Variants in CCNY observed in about 807,000 individuals in gnomAD.
CCNY encodes cyclin-Y.
CCNY carries 19 observed loss-of-function variants against 42.8 expected under a neutral mutation model. That is an observed-to-expected ratio of 0.44 (90% CI 0.31 to 0.65). CCNY has a LOEUF of 0.65. CCNY is among the 30% of genes least tolerant of loss of function. CCNY has a pLI of 0.07. For synonymous variants in CCNY, 165 were observed against 162.7 expected (o/e 1.01, Z -0.11); for missense variants, 370 against 437.3 (o/e 0.85, Z 1.37).
At chr10:35,552,505 T>A (rs1475810764) in intron 7 of CCNY, among the ~76,000 whole-genome samples, 1 of 152,172 alleles carries the variant, frequency 6.6e-6, no homozygotes, top group Non-Finnish European at 1.5e-5. Context: ...AACACAACAG[T>A]GTGAATGTAC....
intron 3 of CCNY, among the ~76,000 whole-genome samples, chr10:35,292,081 A>C (rs1255417960): frequency 1.3e-5 from 2 of 152,050 alleles, no homozygotes; most frequent in Non-Finnish European, 2.9e-5. Flanking sequence ...GTGCCACCTC[A>C]TTGTGGATTT....
At chr10:35,335,315 C>A (rs924103708), upstream of CCNY, among the ~76,000 whole-genome samples, 1 of 151,990 alleles carries the variant, frequency 6.6e-6, no homozygotes, top group East Asian at 1.9e-4. Flanking sequence ...ATGACAAAAC[C>A]CGATGGCATT....
rs550630991 is a variant in CCNY at position 35,448,578 on chromosome 10, G to A, written c.155-34826G>A. On this transcript the variant is annotated intron_variant, in intron 1 of 9. Coordinates refer to ENST00000374704, the MANE Select transcript of CCNY (RefSeq NM_145012.6). ...TGCTTATATAAAGGGATGTTATGGT[G>A]TTACTGTTAGGTAAGGTGACATCCT... is the stretch of plus-strand genomic sequence containing the variant. Among the ~76,000 whole-genome samples the A allele has an allele frequency of 3.3e-5, 5 of 152,236 alleles. No individual in the cohort carries two copies. In the South Asian group the frequency reaches 1.0e-3, roughly 32 times the overall value.
intron 3 of CCNY, among the ~76,000 whole-genome samples, chr10:35,296,840 G>A (rs1835477019): frequency 6.6e-6 from 1 of 152,068 alleles, no homozygotes. Context: ...AAAAGCCCAG[G>A]ACCAGATGGA....
intron 1 of CCNY, among the ~76,000 whole-genome samples, chr10:35,414,069 A>G (rs1214613395): frequency 3.3e-5 from 5 of 152,264 alleles, no homozygotes; most frequent in Middle Eastern, 3.4e-3. Context: ...AAATAGGCCT[A>G]TTTTTTCCTG....
At chr10:35,452,042 C>G (rs1391786979) in intron 1 of CCNY, among the ~76,000 whole-genome samples, 2 of 152,120 alleles carry the variant, frequency 1.3e-5, no homozygotes, top group African/African-American at 4.8e-5. Flanking sequence ...ATGCCAAGGT[C>G]AGACTAATAT....
At chr10:35,268,816 G>A (rs1010502440) in intron 3 of CCNY, among the ~76,000 whole-genome samples, 4 of 152,228 alleles carry the variant, frequency 2.6e-5, no homozygotes, top group African/African-American at 9.6e-5. Context: ...TGGAGGCACA[G>A]CCAGAGTGAC....
At chr10:35,375,424 G>T (rs1837030904) in intron 1 of CCNY, among the ~76,000 whole-genome samples, 1 of 152,072 alleles carries the variant, frequency 6.6e-6, no homozygotes, top group Non-Finnish European at 1.5e-5. Context: ...GATTATGTTG[G>T]GTCCACCTGG....
chr10:35,282,453 C>T (rs527892986), intron 3 of CCNY, among the ~76,000 whole-genome samples: 1 of 151,974 alleles, frequency 6.6e-6, no homozygotes, highest in South Asian at 2.1e-4. Context: ...ACAGGCCAGG[C>T]ACGGTGGCTC....
At position 35,563,036 on chromosome 10, in the gene CCNY, A is replaced by G. The variant is rs558885428; in HGVS notation, c.747-2987A>G. On this transcript the variant is annotated intron_variant, in intron 8 of 9. Transcript: ENST00000374704. ...CGTTTTACACCAAAACTGTTTCTTC[A>G]TAGTTATCTAAATGCAGATAGTAAA... is the stretch of plus-strand genomic sequence containing the variant. 6.6e-5 allele frequency among the ~76,000 whole-genome samples: 10 copies of G among 152,000 alleles called. No homozygotes were observed. In the South Asian group the frequency reaches 1.9e-3, roughly 28 times the overall value.
intron 1 of CCNY, among the ~76,000 whole-genome samples, chr10:35,463,869 C>CCTA (rs1278069475): frequency 6.6e-6 from 1 of 152,192 alleles, no homozygotes; most frequent in African/African-American, 2.4e-5. Flanking sequence ...ATGACATTGA[C>CCTA]CTACTTCCTG....
At chr10:35,532,933 G>T (rs1840799687) in intron 7 of CCNY, among the ~76,000 whole-genome samples, 2 of 152,246 alleles carry the variant, frequency 1.3e-5, no homozygotes, top group African/African-American at 4.8e-5. Flanking sequence ...ATATTGGAAG[G>T]TCCAGGCAGG....
At chr10:35,254,428 T>C (rs1210093836) in intron 3 of CCNY, among the ~76,000 whole-genome samples, 6 of 152,196 alleles carry the variant, frequency 3.9e-5, no homozygotes, top group Non-Finnish European at 8.8e-5. Context: ...TTCTGACCGG[T>C]TGCTTTCCTG....
rs1274791098 is a variant in CCNY at position 35,554,530 on chromosome 10, A to G, written c.746+1345A>G. Among the ~76,000 whole-genome samples the G allele has an allele frequency of 4.6e-5, 7 of 152,238 alleles. No individual in the cohort carries two copies. The East Asian group carries it at 5.8e-4, about 13-fold the overall frequency. The stretch of plus-strand genomic sequence containing the variant: ...GGAGGTGGACATTTGGGTGCGAGGT[A>G]TAAGAAATTCTGGCCTGTTTTCTTT... On this transcript the variant is annotated intron_variant, in intron 8 of 9. Transcript: ENST00000374704.
intron 1 of CCNY, chr10:35,449,827 C>CA (rs1838877341): frequency 3.0e-6 from 3 of 984,426 alleles, no homozygotes; most frequent in Non-Finnish European, 3.6e-6. Flanking sequence ...TTGAGAGTGC[C>CA]AGGGAGTGTT....
chr10:35,369,463 C>T (rs754061233), intron 1 of CCNY, among the ~76,000 whole-genome samples: 2 of 152,182 alleles, frequency 1.3e-5, no homozygotes, highest in Non-Finnish European at 2.9e-5. Context: ...AACTTGGATT[C>T]TTGCTTTCAG....
At chr10:35,348,044 A>G (rs1836344472) in intron 1 of CCNY, among the ~76,000 whole-genome samples, 1 of 152,166 alleles carries the variant, frequency 6.6e-6, no homozygotes, top group Admixed American at 6.5e-5. Flanking sequence ...GTTTAGGGAT[A>G]ATCTTATTTT....
chr10:35,467,130 T>TACATTAGGTACATAC (rs1564422572), intron 1 of CCNY, among the ~76,000 whole-genome samples: 1 of 152,234 alleles, frequency 6.6e-6, no homozygotes, highest in Non-Finnish European at 1.5e-5. Flanking sequence ...TAGGTGTGAA[T>TACATTAGGTACATAC]AATTGTATGT....
At chr10:35,401,809 C>T (rs1006312821) in intron 1 of CCNY, among the ~76,000 whole-genome samples, 2 of 151,910 alleles carry the variant, frequency 1.3e-5, no homozygotes, top group East Asian at 1.9e-4. Flanking sequence ...TTCTCAAGGG[C>T]GGGGAGAATT....
Sources: gnomAD v4.1 joint callset for allele counts (sites outside exome capture counted in the v4.1 genomes callset) on GRCh38, gnomAD v4.1.1 for gene constraint, MANE v1.5 for transcripts, NCBI Gene and HGNC (gene_info 2026-07-23, HGNC 2026-07-21) for gene names.